Variants in RELN observed in about 807,000 individuals in gnomAD.
The protein encoded by RELN is reelin.
RELN carries 108 observed loss-of-function variants against 427.6 expected under a neutral mutation model. The observed-to-expected ratio is 0.25, with a 90% CI of 0.22 to 0.30. The LOEUF (loss-of-function observed/expected upper bound fraction) is 0.30. Ranked by LOEUF, RELN falls within the 10% of genes least tolerant of loss-of-function variation. The pLI is 1.00. For missense variants in RELN, 3,715 were observed against 4,302.8 expected, an observed-to-expected ratio of 0.86 and a Z score of 3.82; for synonymous variants, 1,524 against 1,513.4, an observed-to-expected ratio of 1.01 and a Z score of -0.16.
At chr7:103,664,156 C>G (rs779637407) in intron 11 of RELN, among the ~76,000 whole-genome samples, 3 of 152,144 alleles carry the variant, frequency 2.0e-5, no homozygotes, top group Non-Finnish European at 2.9e-5. Flanking sequence ...AAAAACCTTC[C>G]AATACATGTT....
At chr7:103,819,623 C>T (rs1792967441) in intron 3 of RELN, among the ~76,000 whole-genome samples, 1 of 151,908 alleles carries the variant, frequency 6.6e-6, no homozygotes, top group Admixed American at 6.6e-5. Flanking sequence ...AGAAATCTTC[C>T]CTTACTATAT....
intron 2 of RELN, among the ~76,000 whole-genome samples, chr7:103,850,716 C>A (rs1178358499): frequency 6.6e-6 from 1 of 152,048 alleles, no homozygotes; most frequent in Non-Finnish European, 1.5e-5. Context: ...TACAAATGGC[C>A]AACAAACATA....
In RELN at chr7:103,977,310, C is replaced by CAAAAAAAAAAAAAAAAAAAAAAA. The variant is rs201026012; in HGVS notation, c.226+11798_226+11820dup. Among the ~76,000 whole-genome samples, 27 of 88,258 alleles carry CAAAAAAAAAAAAAAAAAAAAAAA rather than the reference C, an allele frequency of 3.1e-4. 1 individual carries two copies. Among genetic ancestry groups the CAAAAAAAAAAAAAAAAAAAAAAA allele is most frequent in the African/African-American group, 1.3e-3 (26 of 19,274 alleles). 57.9% of individuals were successfully genotyped at this position (88,258 alleles called of 152,430 possible). Reference sequence around the variant, plus strand: ...TGGGTGACAGAGTGAGACTCTGTCTCAAAAAAAAAAAAAAAAAAAAAAAAA... The same window carrying CAAAAAAAAAAAAAAAAAAAAAAA: ...TGGGTGACAGAGTGAGACTCTGTCTCAAAAAAAAAAAAAAAAAAAAAAAAAAAAAAAAAAAAAAAAAAAAAAAA... On this transcript the variant is annotated intron_variant, in intron 1 of 64. Coordinates refer to ENST00000428762, the MANE Select transcript of RELN (RefSeq NM_005045.4).
intron 41 of RELN, among the ~76,000 whole-genome samples, chr7:103,549,809 T>C (rs757083133): frequency 1.3e-5 from 2 of 152,240 alleles, no homozygotes; most frequent in African/African-American, 4.8e-5. Flanking sequence ...TTATATTTCT[T>C]GCAACATATG....
chr7:103,581,934 A>C (rs1242799822), intron 28 of RELN, among the ~76,000 whole-genome samples: 1 of 152,106 alleles, frequency 6.6e-6, no homozygotes, highest in East Asian at 1.9e-4. Flanking sequence ...AGCCAACCCC[A>C]CAAAACCATG....
intron 2 of RELN, among the ~76,000 whole-genome samples, chr7:103,853,081 A>C (rs988553464): frequency 6.6e-6 from 1 of 152,066 alleles, no homozygotes; most frequent in African/African-American, 2.4e-5. Flanking sequence ...CCTTGAGGCT[A>C]AGTGATTACA....
chr7:103,957,605 C>A (rs1339353772), intron 1 of RELN, among the ~76,000 whole-genome samples: 1 of 152,190 alleles, frequency 6.6e-6, no homozygotes, highest in African/African-American at 2.4e-5. Flanking sequence ...CATGCTCACA[C>A]GTGCTCACTC....
chr7:103,848,877 C>A (rs1374346417), intron 2 of RELN, among the ~76,000 whole-genome samples: 1 of 152,120 alleles, frequency 6.6e-6, no homozygotes, highest in African/African-American at 2.4e-5. Context: ...TTTCCAAGAA[C>A]CTACACTTTG....
At chr7:103,682,341 T>A in intron 10 of RELN, 80 bp from the exon 11 acceptor site, 1 of 1,506,662 alleles carries the variant, frequency 6.6e-7, no homozygotes. Context: ...ATAATTAGAG[T>A]TTTTAGAAAA....
At chr7:103,942,379 G>C (rs546544507) in intron 1 of RELN, among the ~76,000 whole-genome samples, 1 of 152,224 alleles carries the variant, frequency 6.6e-6, no homozygotes, top group Admixed American at 6.5e-5. Flanking sequence ...ATATAAATGA[G>C]ATCACAGAGT....
chr7:103,546,707 C>A (rs1486294841), intron 41 of RELN, among the ~76,000 whole-genome samples: 4 of 151,942 alleles, frequency 2.6e-5, no homozygotes, highest in Admixed American at 2.6e-4. Context: ...TTTTTTTGTA[C>A]CTTTTTAAGG....
At chr7:103,925,674 A>T (rs1409622474) in intron 1 of RELN, among the ~76,000 whole-genome samples, 1 of 152,208 alleles carries the variant, frequency 6.6e-6, no homozygotes, top group East Asian at 1.9e-4. Flanking sequence ...AAAACTCAAC[A>T]TATCTTTGTA....
intron 2 of RELN, among the ~76,000 whole-genome samples, chr7:103,860,375 A>G (rs1331213408): frequency 6.6e-6 from 1 of 152,198 alleles, no homozygotes; most frequent in African/African-American, 2.4e-5. Flanking sequence ...AAATGAGATC[A>G]CGCTGCTTTA....
chr7:103,505,425 CAG>C (rs1228590791), intron 51 of RELN, among the ~76,000 whole-genome samples: 2 of 152,164 alleles, frequency 1.3e-5, no homozygotes, highest in East Asian at 3.9e-4. Flanking sequence ...CCTAGGCAAA[CAG>C]GGTCTGGAGT....
chr7:103,521,794 G>A (rs1341652423), intron 48 of RELN, among the ~76,000 whole-genome samples: 1 of 152,180 alleles, frequency 6.6e-6, no homozygotes, highest in Non-Finnish European at 1.5e-5. Context: ...ATAAAGCATA[G>A]CATAAAGTTA....
At chr7:103,479,478 A>AATCTGTTATACGGCAGATT in intron 63 of RELN, among the ~76,000 whole-genome samples, 1 of 152,170 alleles carries the variant, frequency 6.6e-6, no homozygotes, top group East Asian at 1.9e-4. Context: ...CAATTCGGTT[A>AATCTGTTATACGGCAGATT]ATCTGTTATA....
At chr7:103,485,726 A>C (rs1313260799) in intron 61 of RELN, among the ~76,000 whole-genome samples, 2 of 152,066 alleles carry the variant, frequency 1.3e-5, no homozygotes, top group Non-Finnish European at 2.9e-5. Context: ...ATAGCACATA[A>C]AATTTTAAAG....
chr7:103,486,461 A>G (rs763803604), intron 60 of RELN, 45 bp from the exon 61 acceptor site: 2 of 1,409,634 alleles, frequency 1.4e-6, no homozygotes, highest in Admixed American at 1.7e-5. Context: ...GACCAACCAG[A>G]GTCATTCAAG....
chr7:103,639,064 T>C (rs1388833402), intron 17 of RELN, among the ~76,000 whole-genome samples: 2 of 152,212 alleles, frequency 1.3e-5, no homozygotes, highest in Admixed American at 6.5e-5. Flanking sequence ...GTTAATTTTA[T>C]TTGAAATACA....
Sources: gnomAD v4.1 joint callset for allele counts (sites outside exome capture counted in the v4.1 genomes callset) on GRCh38, gnomAD v4.1.1 for gene constraint, MANE v1.5 for transcripts, NCBI Gene and HGNC (gene_info 2026-07-23, HGNC 2026-07-21) for gene names.